USH2A: variants seen among roughly 807,000 people sequenced by gnomAD.
USH2A encodes the protein usherin.
A neutral mutation model predicts 538.9 loss-of-function variants in USH2A; 443 were observed. That is an observed-to-expected ratio of 0.82 (90% CI 0.76 to 0.89). The LOEUF is 0.89. Among genes scored for constraint, USH2A ranks in the 40% least tolerant of loss-of-function variants. USH2A has a pLI of 0.00. For missense variants in USH2A, 6,633 were observed against 6,324.8 expected, an observed-to-expected ratio of 1.05 and a Z score of -1.65; for synonymous variants, 2,413 against 2,273.5, an observed-to-expected ratio of 1.06 and a Z score of -1.75.
intron 26 of USH2A, 104 bp from the exon 27 acceptor site, chr1:216,078,466 C>T: frequency 9.5e-7 from 1 of 1,051,494 alleles, no homozygotes; most frequent in Non-Finnish European, 1.4e-6. Flanking sequence ...CAAAACAGTT[C>T]CCTGAAAGCA....
chr1:215,801,199 G>C (rs6685803), intron 49 of USH2A, among the ~76,000 whole-genome samples: 1 of 151,770 alleles, frequency 6.6e-6, no homozygotes, highest in Non-Finnish European at 1.5e-5. Context: ...AGTGAAAGAC[G>C]GAAAACTTTT....
At chr1:215,794,079 A>C (rs1330919690) in intron 50 of USH2A, among the ~76,000 whole-genome samples, 1 of 152,208 alleles carries the variant, frequency 6.6e-6, no homozygotes, top group East Asian at 1.9e-4. Flanking sequence ...AATGACACGC[A>C]TGACTTTCAT....
At chr1:215,836,492 AT>A (rs1558119931) in intron 47 of USH2A, among the ~76,000 whole-genome samples, 1 of 20,438 alleles carries the variant, frequency 4.9e-5, no homozygotes, top group Non-Finnish European at 8.3e-5. Context: ...TATATATTAT[AT>A]ATATAATATA....
chr1:216,092,042 A>T (rs1445931356), intron 22 of USH2A, among the ~76,000 whole-genome samples: 1 of 151,972 alleles, frequency 6.6e-6, no homozygotes, highest in Admixed American at 6.6e-5. Context: ...TTTCAAAATA[A>T]AAAAAAATAA....
intron 46 of USH2A, among the ~76,000 whole-genome samples, chr1:215,843,714 T>C: frequency 6.6e-6 from 1 of 152,188 alleles, no homozygotes; most frequent in East Asian, 1.9e-4. Context: ...TAAATATATT[T>C]CTTTCACCTT....
rs775560370 is a variant in USH2A, at chr1:215,674,286, G to C, written c.13625C>G (p.Ala4542Gly). ...CACTAAGATCTCCTGAGGACCCCTG[G>C]CCTGCAATTTTGGAGGTTCCATCCC... is the stretch of plus-strand genomic sequence containing the variant. ...PSGMEPPKLQ[A>G]RGPQEILVNW... is the part of the protein sequence containing the mutation. The change falls in exon 63 of 72, where the codon GCC (alanine) becomes GGC (glycine). Residue 4542 changes from alanine to glycine, a missense_variant. Coordinates refer to ENST00000307340, the MANE Select transcript of USH2A (RefSeq NM_206933.4). 1 of 1,614,154 alleles carries C rather than the reference G, an allele frequency of 6.2e-7. No individual in the cohort carries two copies. Among genetic ancestry groups the C allele is most frequent in the Middle Eastern group, 1.6e-4 (1 of 6,062 alleles).
intron 21 of USH2A, among the ~76,000 whole-genome samples, chr1:216,107,743 T>A (rs971510985): frequency 6.6e-6 from 1 of 151,286 alleles, no homozygotes; most frequent in Non-Finnish European, 1.5e-5. Context: ...TACCTTGTTA[T>A]GGATTAGAGG....
At chr1:216,010,266 C>A (rs556504362) in intron 32 of USH2A, among the ~76,000 whole-genome samples, 4 of 152,292 alleles carry the variant, frequency 2.6e-5, no homozygotes, top group Admixed American at 2.0e-4. Flanking sequence ...ACCTCCTCCT[C>A]CAGGAGCTTG....
intron 2 of USH2A, among the ~76,000 whole-genome samples, chr1:216,419,367 G>A (rs1026659648): frequency 4.6e-5 from 7 of 152,082 alleles, no homozygotes; most frequent in African/African-American, 1.2e-4. Flanking sequence ...AAAACTAGAA[G>A]AGTTTTCAGA....
chr1:215,636,369 G>A (rs1435209108), intron 69 of USH2A, among the ~76,000 whole-genome samples: 1 of 152,318 alleles, frequency 6.6e-6, no homozygotes, highest in East Asian at 1.9e-4. Flanking sequence ...TAACTCTGCT[G>A]CCGATCAGCT....
chr1:215,895,349 AG>A lies in USH2A; in HGVS notation c.7594+4725del, dbSNP rs143031796. Among the ~76,000 whole-genome samples, 1,358 of 152,324 alleles carry A rather than the reference AG, an allele frequency of 8.9e-3. 15 individuals carry two copies. Among genetic ancestry groups the A allele is most frequent in the African/African-American group, 0.031 (1,286 of 41,562 alleles). On this transcript the variant is annotated intron_variant, in intron 40 of 71. Coordinates refer to ENST00000307340, the MANE Select transcript of USH2A (RefSeq NM_206933.4). ...AGGTCTTGAGACGTTACAATTCAGA[AG>A]GGGATATTGATGATTCACTAGTAAA...
intron 21 of USH2A, among the ~76,000 whole-genome samples, chr1:216,153,548 C>G (rs530731930): frequency 6.6e-6 from 1 of 152,182 alleles, no homozygotes; most frequent in Non-Finnish European, 1.5e-5. Flanking sequence ...CAATAAACAC[C>G]AAGTAAATGG....
chr1:216,316,079 A>G (rs1365945700), intron 9 of USH2A, among the ~76,000 whole-genome samples: 2 of 152,172 alleles, frequency 1.3e-5, no homozygotes, highest in Non-Finnish European at 2.9e-5. Context: ...CATTAAAGTC[A>G]AGGCCTTAAA....
At chr1:216,246,467 A>T (rs969819916) in intron 13 of USH2A, 118 bp downstream of exon 13, 1 of 1,261,688 alleles carries the variant, frequency 7.9e-7, no homozygotes, top group Non-Finnish European at 1.1e-6. Context: ...ATATAAATAC[A>T]GTAATGATTT....
intron 38 of USH2A, among the ~76,000 whole-genome samples, chr1:215,907,284 T>C (rs754263251): frequency 3.9e-5 from 6 of 152,006 alleles, no homozygotes; most frequent in Non-Finnish European, 7.4e-5. Context: ...CTAACAACAC[T>C]GAACTCCTTA....
At chr1:216,054,230 C>T (rs763182526) in intron 30 of USH2A, among the ~76,000 whole-genome samples, 1 of 152,204 alleles carries the variant, frequency 6.6e-6, no homozygotes, top group Non-Finnish European at 1.5e-5. Context: ...CTGACTCCCA[C>T]CACGCCCCTT....
intron 20 of USH2A, among the ~76,000 whole-genome samples, chr1:216,179,017 A>G (rs1159126261): frequency 1.3e-5 from 2 of 152,100 alleles, no homozygotes; most frequent in African/African-American, 4.8e-5. Context: ...TATGCTTCTT[A>G]AAAGCTGAAG....
rs1197175608 is a variant in USH2A at position 215,878,970 on chromosome 1, A to G, written c.8352T>C (p.Ile2784=). The G allele has an allele frequency of 6.2e-7, 1 of 1,614,074 alleles. No individual in the cohort carries two copies. Among genetic ancestry groups the G allele is most frequent in the Non-Finnish European group, 8.5e-7 (1 of 1,179,972 alleles). Residue 2784 remains isoleucine (I), a synonymous_variant, in exon 42 of 72, where the codon ATT becomes ATC. Transcript: ENST00000307340. ...AVLSQKVTHL[I]PFTNYSVTIV... ...TGGTGACAGAATAATTAGTGAAAGG[A>G]ATCAGATGAGTAACTTTTTGACTTA...
intron 32 of USH2A, among the ~76,000 whole-genome samples, chr1:216,027,884 C>T (rs1669007686): frequency 6.6e-6 from 1 of 152,112 alleles, no homozygotes; most frequent in Non-Finnish European, 1.5e-5. Flanking sequence ...AATGAAATTT[C>T]CCATCATTCT....
Sources: allele counts gnomAD v4.1 joint callset (sites outside exome capture counted in the v4.1 genomes callset), GRCh38; gene constraint gnomAD v4.1.1; transcripts MANE v1.5; gene names NCBI Gene and HGNC (gene_info 2026-07-23, HGNC 2026-07-21).